The following ATRX variants were observed in gnomAD, a reference collection of about 807,000 sequenced individuals.
The protein encoded by ATRX is ATRX chromatin remodeler.
In ATRX, 12 loss-of-function variants were observed where a neutral mutation model predicts 172.6. That is an observed-to-expected ratio of 0.07 (90% CI 0.04 to 0.11). ATRX has a LOEUF of 0.11. Ranked by LOEUF, ATRX falls within the 10% of genes least tolerant of loss-of-function variation. The probability of loss-of-function intolerance (pLI) is 1.00; values close to 1 mark genes in which losing one functional copy is unlikely to be tolerated. For missense variants in ATRX, 1,368 were observed against 1,767.4 expected (o/e 0.77, Z 4.05); for synonymous variants, 674 against 594.7 (o/e 1.13, Z -1.94).
At chrX:77,661,869 C>T (rs781861618) in intron 12 of ATRX, among the ~76,000 whole-genome samples, 55 of 111,339 alleles carry the variant, frequency 4.9e-4, no homozygotes, top group Non-Finnish European at 8.3e-4. Context: ...CTCTGTTTTA[C>T]AGGCCCAGCT....
chrX:77,627,659 C>T (rs1000210792), intron 19 of ATRX, among the ~76,000 whole-genome samples: 1 of 103,451 alleles, frequency 9.7e-6, no homozygotes, highest in African/African-American at 3.6e-5. Flanking sequence ...GTCAGGAGTT[C>T]GAGACCAGCC....
rs971839925 is a variant in ATRX at position 77,654,103 on chromosome X, T to C, written c.4312A>G (p.Asn1438Asp). 2.2e-5 allele frequency: 27 copies of C among 1,205,485 alleles called. No homozygotes were observed. Among genetic ancestry groups the C allele is most frequent in the Non-Finnish European group, 2.9e-5 (26 of 890,007 alleles). ...GTGGTAAATGTCATTATTACCTTGTTTTCACTGGATGAATCTTCTTGAACC... is the reference window on the plus strand; with the variant it reads ...GTGGTAAATGTCATTATTACCTTGTCTTCACTGGATGAATCTTCTTGAACC... Reference protein sequence around the residue: ...IKVQEDSSSENKSNSEEEEEE... With the variant: ...IKVQEDSSSEDKSNSEEEEEE... Residue 1438 changes from asparagine (N) to aspartate (D), a missense_variant, in exon 14 of 35, where the codon AAC becomes GAC. Around this residue, in one of 17 missense-constraint regions of ATRX, gnomAD observed 119 missense variants for 131.3 expected, o/e 0.91. Transcript: ENST00000373344.
At chrX:77,656,705 T>C in intron 12 of ATRX, 52 bp from the exon 13 acceptor site, 1 of 969,059 alleles carries the variant, frequency 1.0e-6, no homozygotes, top group East Asian at 3.4e-5. Context: ...AATAGAAACC[T>C]AATTCACTTA....
At chrX:77,565,792 T>C (rs1557064243) in intron 28 of ATRX, among the ~76,000 whole-genome samples, 1 of 108,759 alleles carries the variant, frequency 9.2e-6, no homozygotes, top group Non-Finnish European at 1.9e-5. Flanking sequence ...GAAGGTGGAG[T>C]GTGCAGTGAG....
At chrX:77,782,997 G>T (rs1414331980) in intron 1 of ATRX, among the ~76,000 whole-genome samples, 3 of 111,170 alleles carry the variant, frequency 2.7e-5, no homozygotes, top group African/African-American at 9.8e-5. Context: ...ACTTTGGGAG[G>T]CCAAGGCAGG....
chrX:77,540,112 T>C (rs782123926), intron 30 of ATRX, among the ~76,000 whole-genome samples: 1 of 110,878 alleles, frequency 9.0e-6, no homozygotes, highest in South Asian at 3.8e-4. Flanking sequence ...AACAAAGAGA[T>C]AGAGGAATAT....
intron 1 of ATRX, among the ~76,000 whole-genome samples, chrX:77,777,117 G>A (rs782612769): frequency 6.1e-4 from 61 of 100,575 alleles, no homozygotes; most frequent in African/African-American, 2.0e-3. Context: ...ACTTTGGGAG[G>A]CCAAGGCAGG....
At chrX:77,613,003 C>T (rs1238033546) in intron 22 of ATRX, among the ~76,000 whole-genome samples, 1 of 111,640 alleles carries the variant, frequency 9.0e-6, no homozygotes, top group African/African-American at 3.3e-5. Context: ...CATCAATGGA[C>T]ATTTGGGTTG....
intron 27 of ATRX, among the ~76,000 whole-genome samples, chrX:77,587,686 C>A (rs2066079561): frequency 8.9e-6 from 1 of 111,823 alleles, no homozygotes; most frequent in Non-Finnish European, 1.9e-5. Context: ...ATGACATGAT[C>A]TTGTATATAA....
intron 13 of ATRX, among the ~76,000 whole-genome samples, chrX:77,655,326 T>C (rs1557119405): frequency 9.0e-6 from 1 of 111,159 alleles, no homozygotes; most frequent in Non-Finnish European, 1.9e-5. Context: ...GTAAATGTTA[T>C]GTGCATTTTA....
At chrX:77,762,571 GGA>G (rs1231206185) in intron 1 of ATRX, among the ~76,000 whole-genome samples, 3 of 110,683 alleles carry the variant, frequency 2.7e-5, no homozygotes, top group African/African-American at 9.8e-5. Context: ...TTTCAAAACA[GGA>G]AAAACAATTA....
chrX:77,545,235 T>C (rs946351822), intron 30 of ATRX, among the ~76,000 whole-genome samples: 14 of 112,094 alleles, frequency 1.2e-4, no homozygotes, highest in Non-Finnish European at 1.9e-4. Flanking sequence ...ATCATCCCCA[T>C]ATTATGGACG....
intron 3 of ATRX, 80 bp downstream of exon 3, chrX:77,698,494 T>A: frequency 1.1e-6 from 1 of 896,644 alleles, no homozygotes; most frequent in Non-Finnish European, 1.6e-6. Flanking sequence ...GACACATACA[T>A]GTGTCCAGAA....
At chrX:77,667,023 A>T (rs1186253881) in intron 10 of ATRX, among the ~76,000 whole-genome samples, 1 of 111,192 alleles carries the variant, frequency 9.0e-6, no homozygotes, top group East Asian at 2.8e-4. Context: ...TAAGATAGAA[A>T]ATATTTATTA....
intron 34 of ATRX, among the ~76,000 whole-genome samples, chrX:77,510,443 T>C (rs1191065157): frequency 9.0e-6 from 1 of 110,871 alleles, no homozygotes; most frequent in Non-Finnish European, 1.9e-5. Flanking sequence ...ACATACAGCT[T>C]AGGTACCAGC....
intron 1 of ATRX, among the ~76,000 whole-genome samples, chrX:77,785,463 C>T (rs1294321021): frequency 9.1e-6 from 1 of 109,376 alleles, no homozygotes; most frequent in East Asian, 2.9e-4. Flanking sequence ...TCTCCTGGGG[C>T]TGCAGAAAAA....
intron 22 of ATRX, among the ~76,000 whole-genome samples, chrX:77,613,602 T>C (rs976131984): frequency 2.7e-5 from 3 of 112,402 alleles, no homozygotes; most frequent in Non-Finnish European, 3.8e-5. Flanking sequence ...ACTTTTCATA[T>C]ATGCAGGTTC....
intron 30 of ATRX, 60 bp from the exon 31 acceptor site, chrX:77,523,461 T>C: frequency 9.1e-7 from 1 of 1,096,172 alleles, no homozygotes; most frequent in Non-Finnish European, 1.3e-6. Context: ...GTATAATATC[T>C]CCATAGTTCT....
chrX:77,540,180 AACAG>A (rs1557050189), intron 30 of ATRX, among the ~76,000 whole-genome samples: 1 of 111,773 alleles, frequency 8.9e-6, no homozygotes, highest in Non-Finnish European at 1.9e-5. Context: ...TCTCGGATAA[AACAG>A]ACTTTAAAAC....
Sources: gnomAD v4.1 joint callset for allele counts (sites outside exome capture counted in the v4.1 genomes callset) on GRCh38, gnomAD v4.1.1 for gene constraint, gnomAD v4.1.1 regional missense constraint, MANE v1.5 for transcripts, NCBI Gene and HGNC (gene_info 2026-07-23, HGNC 2026-07-21) for gene names.